Variants in ATP2B2 observed in about 807,000 individuals in gnomAD.
ATP2B2 encodes ATPase plasma membrane Ca2+ transporting 2, also known as plasma membrane calcium-transporting ATPase 2.
Under a neutral mutation model 120.0 loss-of-function variants are expected in ATP2B2, and 15 were observed. The ratio of observed to expected loss-of-function variants is 0.12; its 90% CI spans 0.08 to 0.19. The LOEUF is 0.19. Ranked by LOEUF, ATP2B2 falls within the 10% of genes least tolerant of loss-of-function variation. The pLI is 1.00. For synonymous variants in ATP2B2, 694 were observed against 700.3 expected, an observed-to-expected ratio of 0.99 and a Z score of 0.14; for missense variants, 1,045 against 1,719.8, an observed-to-expected ratio of 0.61 and a Z score of 6.94.
At chr3:10,362,631 C>T (rs577213664) in intron 12 of ATP2B2, among the ~76,000 whole-genome samples, 35 of 152,172 alleles carry the variant, frequency 2.3e-4, no homozygotes, top group African/African-American at 6.3e-4. Flanking sequence ...GTACGGGGGC[C>T]GTGGATAGGG....
chr3:10,574,429 CT>C (rs2125549564), intron 2 of ATP2B2, among the ~76,000 whole-genome samples: 1 of 152,314 alleles, frequency 6.6e-6, no homozygotes, highest in East Asian at 1.9e-4. Context: ...CCTGGAGGAT[CT>C]GCCTGGGCCA....
intron 1 of ATP2B2, among the ~76,000 whole-genome samples, chr3:10,466,329 C>T (rs960283126): frequency 1.3e-5 from 2 of 152,316 alleles, no homozygotes; most frequent in East Asian, 1.9e-4. Context: ...TGCATAGATG[C>T]GTGTCTGTGC....
chr3:10,362,867 C>CAT (rs141666780), intron 12 of ATP2B2, among the ~76,000 whole-genome samples: 36 of 151,214 alleles, frequency 2.4e-4, no homozygotes, highest in East Asian at 1.5e-3. Flanking sequence ...TATACATATA[C>CAT]ATATATATAT....
At chr3:10,370,272 A>G (rs1337952271) in intron 12 of ATP2B2, among the ~76,000 whole-genome samples, 1 of 152,244 alleles carries the variant, frequency 6.6e-6, no homozygotes, top group East Asian at 1.9e-4. Flanking sequence ...CCCACCCCAC[A>G]GGGCTGTGCC....
chr3:10,400,846 G>C (rs2062195063), intron 5 of ATP2B2, 107 bp downstream of exon 5: 2 of 1,547,432 alleles, frequency 1.3e-6, no homozygotes, highest in East Asian at 2.3e-5. Context: ...GGAGATACCA[G>C]AGCCAAGGAT....
chr3:10,460,919 C>T (rs769013944), intron 1 of ATP2B2, among the ~76,000 whole-genome samples: 47 of 152,272 alleles, frequency 3.1e-4, no homozygotes, highest in Admixed American at 3.0e-3. Flanking sequence ...GAAAAACTCA[C>T]CCACAGAGGT....
chr3:10,683,760 G>GTGTGTATGTATGTATA (rs1446781892), intron 1 of ATP2B2, among the ~76,000 whole-genome samples: 2 of 53,888 alleles, frequency 3.7e-5, no homozygotes, highest in African/African-American at 1.1e-4. Flanking sequence ...GTGTGTGTGT[G>GTGTGTATGTATGTATA]TATATATATA....
chr3:10,543,486 G>A (rs1156593900), intron 2 of ATP2B2, among the ~76,000 whole-genome samples: 5 of 152,112 alleles, frequency 3.3e-5, no homozygotes, highest in Non-Finnish European at 7.4e-5. Flanking sequence ...GATGTGAATA[G>A]GAATCCAACT....
At chr3:10,470,881 G>A (rs1337352019) in intron 1 of ATP2B2, among the ~76,000 whole-genome samples, 1 of 152,286 alleles carries the variant, frequency 6.6e-6, no homozygotes, top group South Asian at 2.1e-4. Context: ...ACCTGAGACA[G>A]GGACATGCAG....
intron 7 of ATP2B2, among the ~76,000 whole-genome samples, chr3:10,386,074 T>C (rs1385305777): frequency 6.6e-6 from 1 of 152,220 alleles, no homozygotes; most frequent in African/African-American, 2.4e-5. Flanking sequence ...TAGTGTTCTA[T>C]GGGCAGGAAG....
chr3:10,628,688 A>C (rs73811969), intron 1 of ATP2B2, among the ~76,000 whole-genome samples: 26,493 of 152,160 alleles, frequency 0.17, 2,693 homozygotes, highest in South Asian at 0.31. Context: ...GGGAGACCCC[A>C]AAACCAACCT....
intron 1 of ATP2B2, among the ~76,000 whole-genome samples, chr3:10,699,352 T>C (rs2071784361): frequency 6.6e-6 from 1 of 152,230 alleles, no homozygotes; most frequent in African/African-American, 2.4e-5. Context: ...AAGTAAATCA[T>C]GGCAAAGCCA....
intron 1 of ATP2B2, among the ~76,000 whole-genome samples, chr3:10,694,047 C>G (rs1227886447): frequency 6.6e-6 from 1 of 152,204 alleles, no homozygotes; most frequent in African/African-American, 2.4e-5. Flanking sequence ...CACATGCACT[C>G]CTTCCCCTAG....
chr3:10,410,293 T>C (rs999330968), intron 3 of ATP2B2, among the ~76,000 whole-genome samples: 1 of 152,234 alleles, frequency 6.6e-6, no homozygotes, highest in African/African-American at 2.4e-5. Flanking sequence ...ATCTTTAAAA[T>C]GGGCATTACC....
intron 2 of ATP2B2, among the ~76,000 whole-genome samples, chr3:10,583,983 C>T (rs73123642): frequency 7.4e-4 from 113 of 152,346 alleles, no homozygotes; most frequent in African/African-American, 2.7e-3. Flanking sequence ...AATCGCTGGC[C>T]AGGTGCCTGC....
intron 2 of ATP2B2, among the ~76,000 whole-genome samples, chr3:10,564,497 G>T (rs1455997233): frequency 6.6e-6 from 1 of 151,924 alleles, no homozygotes; most frequent in Non-Finnish European, 1.5e-5. Flanking sequence ...CTCAACCCTG[G>T]CTCCAGGCTG....
chr3:10,533,363 A>G (rs1169453033), intron 3 of ATP2B2, among the ~76,000 whole-genome samples: 1 of 152,230 alleles, frequency 6.6e-6, no homozygotes, highest in Admixed American at 6.5e-5. Flanking sequence ...ATGAGCACCT[A>G]CTATGTTCCA....
At chr3:10,502,065 G>A (rs1467631821) in intron 1 of ATP2B2, among the ~76,000 whole-genome samples, 1 of 152,230 alleles carries the variant, frequency 6.6e-6, no homozygotes, top group Non-Finnish European at 1.5e-5. Context: ...GGAGGGCAGT[G>A]GGACAGCAGG....
intron 2 of ATP2B2, among the ~76,000 whole-genome samples, chr3:10,571,624 T>C (rs1286451446): frequency 1.3e-5 from 2 of 152,192 alleles, no homozygotes; most frequent in Non-Finnish European, 2.9e-5. Context: ...CAGCTCCTAG[T>C]AGCACTGAAC....
Sources: allele counts gnomAD v4.1 joint callset (sites outside exome capture counted in the v4.1 genomes callset), GRCh38; gene constraint gnomAD v4.1.1; transcripts MANE v1.5; gene names NCBI Gene and HGNC (gene_info 2026-07-23, HGNC 2026-07-21).